ADRA1A: variants seen among roughly 807,000 people sequenced by gnomAD.
The protein encoded by ADRA1A is adrenoceptor alpha 1A, also known as alpha-1A adrenergic receptor.
ADRA1A carries 31 observed loss-of-function variants against 29.6 expected under a neutral mutation model. The observed-to-expected ratio is 1.05, with a 90% CI of 0.79 to 1.41. The LOEUF is 1.41. ADRA1A is among the 40% of genes most tolerant of loss of function. The pLI is 0.00. For missense variants in ADRA1A, 619 were observed against 601.1 expected, an observed-to-expected ratio of 1.03 and a Z score of -0.31; for synonymous variants, 311 against 254.3, an observed-to-expected ratio of 1.22 and a Z score of -2.12.
Position 26,867,159 on chromosome 8 carries a change from A to G in ADRA1A, c.-910T>C. On this transcript the variant is annotated 5_prime_UTR_variant, in exon 1 of 3. Coordinates refer to ENST00000380573, the MANE Select transcript of ADRA1A (RefSeq NM_000680.4). Reference sequence around the variant, plus strand: ...ACCTGCATTTTTTAAAAAGAGTCAAAATAAGAAAAGAAAAAAAAATGCAGA... The same window carrying G: ...ACCTGCATTTTTTAAAAAGAGTCAAGATAAGAAAAGAAAAAAAAATGCAGA... The G allele has an allele frequency of 1.0e-6, 1 of 985,418 alleles. No homozygotes were observed. Among genetic ancestry groups the G allele is most frequent in the Non-Finnish European group, 1.2e-6 (1 of 829,930 alleles). The allele number at this position is 985,418 out of a possible 1,614,324, so 61.0% of individuals were successfully genotyped here.
At chr8:26,750,525 A>C (rs76804731) in intron 2 of ADRA1A, among the ~76,000 whole-genome samples, 11,808 of 152,194 alleles carry the variant, frequency 0.078, 596 homozygotes, top group South Asian at 0.14. Flanking sequence ...TAAGGACAAA[A>C]ATCTCATTCA....
intron 2 of ADRA1A, among the ~76,000 whole-genome samples, chr8:26,813,357 GT>G (rs1395950602): frequency 2.0e-5 from 3 of 152,132 alleles, no homozygotes; most frequent in African/African-American, 7.2e-5. Flanking sequence ...GTATCCTTTT[GT>G]TTTTTCTTTC....
intron 2 of ADRA1A, among the ~76,000 whole-genome samples, chr8:26,858,769 A>G (rs1813223056): frequency 1.3e-5 from 2 of 152,244 alleles, no homozygotes; most frequent in African/African-American, 4.8e-5. Flanking sequence ...TTTGCTCCAA[A>G]GTATAAATGA....
rs554484882 is a variant in ADRA1A at position 26,838,859 on chromosome 8, C to A, written c.883+25228G>T. On this transcript the variant is annotated intron_variant, in intron 2 of 2. Coordinates refer to ENST00000380573, the MANE Select transcript of ADRA1A (RefSeq NM_000680.4). ...CCTCCTTAATGTCTGCATAGGGCCA[C>A]CCCCTCAGGTAAACCACCAGTGTGT... is the stretch of plus-strand genomic sequence containing the variant. 1.2e-4 allele frequency among the ~76,000 whole-genome samples: 19 copies of A among 152,292 alleles called. No homozygotes were observed. In the East Asian group the frequency reaches 3.7e-3, roughly 29 times the overall value.
At chr8:26,750,989 A>G (rs1029312752) in intron 2 of ADRA1A, among the ~76,000 whole-genome samples, 4 of 152,174 alleles carry the variant, frequency 2.6e-5, no homozygotes, top group African/African-American at 7.2e-5. Flanking sequence ...GAATCACTTG[A>G]ACCCAGGAGG....
intron 2 of ADRA1A, among the ~76,000 whole-genome samples, chr8:26,832,467 T>C (rs1811051760): frequency 6.6e-6 from 1 of 152,064 alleles, no homozygotes; most frequent in South Asian, 2.1e-4. Flanking sequence ...TACAATAGAC[T>C]ACAGACACCG....
chr8:26,829,009 G>A (rs1810788692), intron 2 of ADRA1A, among the ~76,000 whole-genome samples: 1 of 152,294 alleles, frequency 6.6e-6, no homozygotes, highest in African/African-American at 2.4e-5. Flanking sequence ...ATGAGATGGT[G>A]CCCATCAAGT....
chr8:26,846,495 G>T (rs1035696773), intron 2 of ADRA1A, among the ~76,000 whole-genome samples: 4 of 152,180 alleles, frequency 2.6e-5, no homozygotes, highest in Non-Finnish European at 5.9e-5. Context: ...TGGGCCAGGC[G>T]CAGTGGCTCA....
intron 2 of ADRA1A, chr8:26,854,357 A>G (rs1404141697): frequency 7.2e-6 from 1 of 139,062 alleles, no homozygotes; most frequent in Non-Finnish European, 1.5e-5. Context: ...GTGCCACTTC[A>G]CTCCAGCCTG....
downstream of ADRA1A, among the ~76,000 whole-genome samples, chr8:26,753,102 T>C (rs530315448): frequency 6.7e-4 from 102 of 152,068 alleles, no homozygotes; most frequent in Non-Finnish European, 1.2e-3. Flanking sequence ...ACTGAGGGAG[T>C]GGGGCCGAAA....
In ADRA1A at chr8:26,775,269, G is replaced by T. The variant is rs776517253; in HGVS notation, c.884-4603C>A. 6.6e-6 allele frequency among the ~76,000 whole-genome samples: 1 copy of T among 152,184 alleles called. No individual in the cohort carries two copies. Among genetic ancestry groups the T allele is most frequent in the Non-Finnish European group, 1.5e-5 (1 of 68,036 alleles). On this transcript the variant is annotated intron_variant, in intron 2 of 2. Coordinates refer to ENST00000380573, the MANE Select transcript of ADRA1A (RefSeq NM_000680.4). The surrounding 1 kb of genome is among the most constrained non-coding windows in gnomAD (Gnocchi z 4.1). ...TGCCATGGTTCTTCTTCACAGTGTG[G>T]CTTGGTTTTCTTTTCTGCGTGATGG...
In ADRA1A at chr8:26,770,416, G is replaced by C; in HGVS notation, c.1134C>G (p.Pro378=). 6.2e-7 allele frequency: 1 copy of C among 1,614,198 alleles called. No individual in the cohort carries two copies. Among genetic ancestry groups the C allele is most frequent in the Non-Finnish European group, 8.5e-7 (1 of 1,180,030 alleles). Residue 378 remains proline, a synonymous_variant, in exon 3 of 3, where the codon CCC becomes CCG. Coordinates refer to ENST00000380573, the MANE Select transcript of ADRA1A (RefSeq NM_000680.4). ...TGTAGAAGGTCTCTCTTGATCCCAC[G>C]GGGATGCGCACCATGTCCTTGTGTT... The part of the protein sequence containing the change: ...EGQHKDMVRI[P]VGSRETFYRI...
Position 26,865,804 on chromosome 8 carries a change from C to T in ADRA1A, c.-686-149G>A. 4 of 715,694 alleles carry T rather than the reference C, an allele frequency of 5.6e-6. No homozygotes were observed. The highest frequency in any genetic ancestry group is 6.9e-6 in the Non-Finnish European group (4 of 583,844). 44.3% of individuals were successfully genotyped at this position (715,694 alleles called of 1,614,324 possible). A position where few individuals can be genotyped will look rare whatever the true frequency, so the allele number is the denominator to read the frequency against. On this transcript the variant is annotated intron_variant, in intron 1 of 2. Transcript: ENST00000380573. This position sits in a 1 kb window ranked among gnomAD's most constrained non-coding sequence, Gnocchi z 7.6. ...CTTCGCCCGGCAGCGGTGGAGGCGA[C>T]TTCGGAGCTCATCTCGCGCCCCCAC... is the stretch of plus-strand genomic sequence containing the variant.
downstream of ADRA1A, chr8:26,765,779 G>A: frequency 8.3e-7 from 1 of 1,203,952 alleles, no homozygotes; most frequent in East Asian, 3.9e-5. Flanking sequence ...ATCTTTTTTG[G>A]CCAAAGGACC....
At chr8:26,861,405 G>A (rs1228648102) in intron 2 of ADRA1A, among the ~76,000 whole-genome samples, 2 of 149,742 alleles carry the variant, frequency 1.3e-5, no homozygotes, top group African/African-American at 4.9e-5. Flanking sequence ...GGGTTCAAGC[G>A]ATTCTCCTGC....
rs1056270775 is a variant in ADRA1A at position 26,815,706 on chromosome 8, A to G, written c.884-45040T>C. 1.3e-5 allele frequency among the ~76,000 whole-genome samples: 2 copies of G among 152,238 alleles called. No individual in the cohort carries two copies. The highest frequency in any genetic ancestry group is 4.8e-5 in the African/African-American group (2 of 41,454). On this transcript the variant is annotated intron_variant, in intron 2 of 2. Transcript: ENST00000380573. This position sits in a 1 kb window ranked among gnomAD's most constrained non-coding sequence, Gnocchi z 4.2. The stretch of plus-strand genomic sequence containing the variant: ...TACTGAACAAGAATAAAAATAAAGC[A>G]TACCAAAACTTGTAGAATGCAGCCA...
chr8:26,777,002 G>A (rs1421292190), intron 2 of ADRA1A, among the ~76,000 whole-genome samples: 1 of 152,124 alleles, frequency 6.6e-6, no homozygotes, highest in Non-Finnish European at 1.5e-5. Flanking sequence ...GTAACATTCA[G>A]GCCAGACCCA....
In ADRA1A at chr8:26,775,133, T is replaced by A. The variant is rs556921979; in HGVS notation, c.884-4467A>T. ...CACGGAGCTCCAGAATCCAGTAAAA[T>A]GCTAGAGTCTTGAAGGCATTCTCCT... On this transcript the variant is annotated intron_variant, in intron 2 of 2. Transcript: ENST00000380573. This position sits in a 1 kb window ranked among gnomAD's most constrained non-coding sequence, Gnocchi z 4.1. 6.6e-6 allele frequency among the ~76,000 whole-genome samples: 1 copy of A among 152,280 alleles called. No individual in the cohort carries two copies. Among genetic ancestry groups the A allele is most frequent in the Non-Finnish European group, 1.5e-5 (1 of 68,022 alleles).
chr8:26,854,416 A>AGGGGGGG (rs1200564632), intron 2 of ADRA1A: 1 of 18,686 alleles, frequency 5.4e-5, no homozygotes, highest in Admixed American at 6.9e-4. Context: ...CTGAAGTTAA[A>AGGGGGGG]GCGGGGCGGG....
Sources: gnomAD v4.1 joint callset for allele counts (sites outside exome capture counted in the v4.1 genomes callset) on GRCh38, gnomAD v4.1.1 for gene constraint, Gnocchi (gnomAD v3.1) non-coding constraint, MANE v1.5 for transcripts, NCBI Gene and HGNC (gene_info 2026-07-23, HGNC 2026-07-21) for gene names.